ACSBG2: variants seen among roughly 807,000 people sequenced by gnomAD.
The protein encoded by ACSBG2 is long-chain-fatty-acid--CoA ligase ACSBG2.
ACSBG2 carries 62 observed loss-of-function variants against 74.7 expected under a neutral mutation model. The observed-to-expected ratio is 0.83, with a 90% CI of 0.68 to 1.03. ACSBG2 has a LOEUF of 1.03. Among genes scored for constraint, ACSBG2 ranks in the 50% least tolerant of loss-of-function variants. The pLI is 0.00. For synonymous variants in ACSBG2, 309 were observed against 294.1 expected (o/e 1.05, Z -0.52); for missense variants, 730 against 817.6 (o/e 0.89, Z 1.31).
intron 10 of ACSBG2, among the ~76,000 whole-genome samples, chr19:6,184,817 G>A (rs1425640953): frequency 5.3e-5 from 5 of 94,086 alleles, no homozygotes; most frequent in Admixed American, 1.6e-4. Context: ...TTTCTTTGCC[G>A]GCATATGTGG....
Position 6,187,325 on chromosome 19 carries a change from C to G in ACSBG2, c.1583C>G (p.Pro528Arg). The G allele has an allele frequency of 1.9e-6, 3 of 1,614,124 alleles. No homozygotes were observed. The highest frequency in any genetic ancestry group is 2.5e-6 in the Non-Finnish European group (3 of 1,180,024). ...GGTGGTGAAAATGTGCCCCCCATTC[C>G]TGTTGAGACCTTGGTTAAGAAGAAG... ...TAGGENVPPI[P>R]VETLVKKKIP... is the part of the protein sequence containing the mutation. The change falls in exon 12 of 15, where the codon CCT becomes CGT. Residue 528 changes from proline to arginine, a missense_variant. Pro to Arg is a moderately radical substitution (Grantham distance 103, BLOSUM62 -2). Transcript: ENST00000588485.
In ACSBG2 at chr19:6,161,201, G is replaced by A; in HGVS notation, c.508-14G>A. 4 of 1,611,744 alleles carry A rather than the reference G, an allele frequency of 2.5e-6. No homozygotes were observed. The South Asian group carries it at 4.4e-5, about 18-fold the overall frequency. ...GCTGGGTTGCCATGAAGCCCACAGG[G>A]AACTTTCTTTCAGATTCCACAGAGC... On this transcript the variant is annotated splice_polypyrimidine_tract_variant and intron_variant, in intron 5 of 14. Transcript: ENST00000588485.
intron 7 of ACSBG2, chr19:6,176,521 C>A: frequency 1.7e-6 from 1 of 588,392 alleles, no homozygotes; most frequent in Non-Finnish European, 2.6e-6. Context: ...CGCACTCAGC[C>A]AGACTGCAGC....
intron 8 of ACSBG2, 152 bp downstream of exon 8, chr19:6,177,548 C>T (rs777295822): frequency 4.9e-6 from 4 of 809,482 alleles, no homozygotes; most frequent in Non-Finnish European, 7.3e-6. Context: ...TATTTAGAAG[C>T]ATTAAAAACA....
chr19:6,170,946 C>T (rs983990513), intron 7 of ACSBG2, among the ~76,000 whole-genome samples: 8 of 151,194 alleles, frequency 5.3e-5, no homozygotes, highest in Non-Finnish European at 1.0e-4. Context: ...GAATTTAACC[C>T]TTTATCATTA....
intron 7 of ACSBG2, among the ~76,000 whole-genome samples, chr19:6,168,239 C>T (rs2089867362): frequency 1.3e-5 from 2 of 152,128 alleles, no homozygotes; most frequent in African/African-American, 4.8e-5. Flanking sequence ...CCAGACACGT[C>T]CTGCCTCTTG....
rs1555698245 is a variant in ACSBG2 at position 6,187,594 on chromosome 19, G to A, written c.1681-5G>A. 2 of 1,613,884 alleles carry A rather than the reference G, an allele frequency of 1.2e-6. No homozygotes were observed. The highest frequency in any genetic ancestry group is 1.7e-6 in the Non-Finnish European group (2 of 1,180,002). Reference sequence around the variant, plus strand: ...ATGGGTGGTGACAGAGGTGTCTGGGGGCAGTGTGAGATGAATCAGATGAGC... The same window carrying A: ...ATGGGTGGTGACAGAGGTGTCTGGGAGCAGTGTGAGATGAATCAGATGAGC... On this transcript the variant is annotated splice_polypyrimidine_tract_variant and splice_region_variant and intron_variant, in intron 12 of 14. Coordinates refer to ENST00000588485, the MANE Select transcript of ACSBG2 (RefSeq NM_030924.5).
At chr19:6,176,496 AC>A in intron 7 of ACSBG2, 1 of 608,868 alleles carries the variant, frequency 1.6e-6, no homozygotes, top group Non-Finnish European at 2.4e-6. Flanking sequence ...TGAAAAAACA[AC>A]ACACACACAC....
intron 13 of ACSBG2, 195 bp from the exon 14 acceptor site, chr19:6,190,389 T>C: frequency 1.8e-6 from 1 of 552,602 alleles, no homozygotes; most frequent in Non-Finnish European, 3.3e-6. Flanking sequence ...CACAGAATCC[T>C]CACCACAGCT....
At chr19:6,149,836 A>AATTTTTTTT (rs2089172630) in intron 3 of ACSBG2, among the ~76,000 whole-genome samples, 1 of 142,872 alleles carries the variant, frequency 7.0e-6, no homozygotes, top group African/African-American at 2.9e-5. Flanking sequence ...TCGGCCTCCC[A>AATTTTTTTT]AAGTGCTGGG....
intron 2 of ACSBG2, among the ~76,000 whole-genome samples, chr19:6,147,187 T>C (rs2089065121): frequency 6.6e-6 from 1 of 152,038 alleles, no homozygotes; most frequent in African/African-American, 2.4e-5. Context: ...ACGCTAGCAG[T>C]TGTAGAATCT....
intron 10 of ACSBG2, among the ~76,000 whole-genome samples, chr19:6,183,555 C>A (rs1350051112): frequency 6.6e-6 from 1 of 152,208 alleles, no homozygotes; most frequent in African/African-American, 2.4e-5. Flanking sequence ...ACCTCAGCAC[C>A]TTTCATCCCC....
intron 7 of ACSBG2, 27 bp from the exon 8 acceptor site, chr19:6,177,202 C>T: frequency 6.2e-7 from 1 of 1,610,332 alleles, no homozygotes. Context: ...GAGGGTGAGG[C>T]ACCTTGGATT....
chr19:6,177,512 T>C, intron 8 of ACSBG2, 116 bp downstream of exon 8: 1 of 1,080,080 alleles, frequency 9.3e-7, no homozygotes, highest in Non-Finnish European at 1.3e-6. Context: ...TCTAACGGTT[T>C]TATCTCTGCC....
At chr19:6,183,335 G>A in intron 10 of ACSBG2, 63 bp downstream of exon 10, 2 of 1,458,924 alleles carry the variant, frequency 1.4e-6, no homozygotes, top group South Asian at 2.3e-5. Flanking sequence ...GGGGAAGGTG[G>A]GTGGATAGAT....
chr19:6,141,531 C>G lies in ACSBG2; in HGVS notation c.-13C>G, dbSNP rs1261459264. 1 of 1,602,640 alleles carries G rather than the reference C, an allele frequency of 6.2e-7. No homozygotes were observed. The highest frequency in any genetic ancestry group is 1.3e-5 in the African/African-American group (1 of 74,784). On this transcript the variant is annotated 5_prime_UTR_variant, in exon 2 of 15. Coordinates refer to ENST00000588485, the MANE Select transcript of ACSBG2 (RefSeq NM_030924.5). ...TTTGCAGTGCTGTGGAGCATGGTTT[C>G]TGCACACCTGGAATGACTGGAACCC...
At chr19:6,171,978 T>C (rs546099085) in intron 7 of ACSBG2, among the ~76,000 whole-genome samples, 16 of 152,260 alleles carry the variant, frequency 1.1e-4, no homozygotes, top group African/African-American at 3.8e-4. Context: ...AAATTCTTTC[T>C]TCTGCTTGGT....
At position 6,183,153 on chromosome 19, in the gene ACSBG2, C is replaced by A; in HGVS notation, c.1203C>A (p.Leu401=). ...CTTTTATCAGTGGGACTGCGCCCCT[C>A]AACCAAGAGACTGCCGAGTTCTTTC... ...CHSFISGTAP[L]NQETAEFFLS... is the part of the protein sequence containing the mutation. Residue 401 remains leucine (L), a synonymous_variant, in exon 10 of 15, where the codon CTC becomes CTA. Coordinates refer to ENST00000588485, the MANE Select transcript of ACSBG2 (RefSeq NM_030924.5). 6.2e-7 allele frequency: 1 copy of A among 1,614,238 alleles called. No individual in the cohort carries two copies. The highest frequency in any genetic ancestry group is 8.5e-7 in the Non-Finnish European group (1 of 1,180,042).
chr19:6,175,283 C>T (rs901201180), intron 7 of ACSBG2: 2 of 152,158 alleles, frequency 1.3e-5, no homozygotes, highest in Admixed American at 1.3e-4. Flanking sequence ...TTTCCTCATT[C>T]ATTCAAGAAA....
Sources: allele counts gnomAD v4.1 joint callset (sites outside exome capture counted in the v4.1 genomes callset), GRCh38; gene constraint gnomAD v4.1.1; transcripts MANE v1.5; gene names NCBI Gene and HGNC (gene_info 2026-07-23, HGNC 2026-07-21).